Variants in IFI16 observed in about 807,000 individuals in gnomAD.
The protein encoded by IFI16 is interferon gamma inducible protein 16.
Under a neutral mutation model 68.4 loss-of-function variants are expected in IFI16, and 49 were observed. The observed-to-expected ratio is 0.72, with a 90% confidence interval of 0.57 to 0.91. The LOEUF (loss-of-function observed/expected upper bound fraction) is 0.91, where lower values mean the gene tolerates loss of function less well. IFI16 is among the 40% of genes least tolerant of loss of function. The pLI is 0.00. For missense variants in IFI16, 878 were observed against 942.9 expected (o/e 0.93, Z 0.90); for synonymous variants, 307 against 315.0 (o/e 0.97, Z 0.27).
At chr1:159,054,042 T>C (rs1309983565) in intron 11 of IFI16, among the ~76,000 whole-genome samples, 3 of 152,222 alleles carry the variant, frequency 2.0e-5, no homozygotes, top group African/African-American at 7.2e-5. Flanking sequence ...ACTAGCTGGT[T>C]CTGTGACTTT....
intron 6 of IFI16, among the ~76,000 whole-genome samples, chr1:159,021,764 G>GT (rs1164558831): frequency 1.3e-5 from 2 of 152,042 alleles, no homozygotes; most frequent in Non-Finnish European, 2.9e-5. Context: ...GCCAGCGTCT[G>GT]TTTTTTAAAA....
chr1:159,053,809 GA>G (rs1163558422), intron 11 of IFI16, 85 bp downstream of exon 11: 3 of 1,027,624 alleles, frequency 2.9e-6, no homozygotes, highest in Non-Finnish European at 4.4e-6. Flanking sequence ...TACTATTACA[GA>G]GAGTCTAGCA....
At chr1:159,050,684 C>T (rs1046271766) in intron 9 of IFI16, among the ~76,000 whole-genome samples, 1 of 152,120 alleles carries the variant, frequency 6.6e-6, no homozygotes, top group Non-Finnish European at 1.5e-5. Flanking sequence ...TCAGCAGCCC[C>T]TCCAAGTCAA....
chr1:159,052,263 G>T, intron 10 of IFI16, 165 bp downstream of exon 10: 1 of 599,862 alleles, frequency 1.7e-6, no homozygotes, highest in Non-Finnish European at 3.0e-6. Flanking sequence ...TCAGGATATG[G>T]GGTACGTTAT....
Position 159,045,405 on chromosome 1 carries a change from A to G in IFI16, c.1438A>G (p.Ser480Gly). ...PFMTSIGPAE[S>G]HPHTPQMPPS... Reference sequence around the variant, plus strand: ...CATGACCAGCATAGGCCCAGCTGAGAGCCATCCCCACACTCCTCAGATGCC... The same window carrying G: ...CATGACCAGCATAGGCCCAGCTGAGGGCCATCCCCACACTCCTCAGATGCC... Residue 480 changes from serine to glycine, a missense_variant, in exon 8 of 12, where the codon AGC (serine) becomes GGC (glycine). By Grantham distance (56) the Ser-to-Gly change is moderately conservative. Around this residue, in one of 4 missense-constraint regions of IFI16, gnomAD observed 59 missense variants for 119.0 expected, o/e 0.50. Coordinates refer to ENST00000295809, the MANE Select transcript of IFI16 (RefSeq NM_001376587.1). 6.3e-7 allele frequency: 1 copy of G among 1,588,750 alleles called. No homozygotes were observed. The highest frequency in any genetic ancestry group is 8.6e-7 in the Non-Finnish European group (1 of 1,165,432).
At chr1:159,004,280 C>T (rs1450562565), upstream of IFI16, among the ~76,000 whole-genome samples, 1 of 151,664 alleles carries the variant, frequency 6.6e-6, no homozygotes, top group African/African-American at 2.4e-5. Flanking sequence ...TTGAGATCAG[C>T]CTGGGCAACA....
intron 7 of IFI16, among the ~76,000 whole-genome samples, chr1:159,044,701 T>C (rs1033573235): frequency 6.6e-5 from 10 of 152,176 alleles, no homozygotes; most frequent in Non-Finnish European, 1.3e-4. Flanking sequence ...ATGGGAATGC[T>C]TTAGGTGGAA....
chr1:159,048,680 G>A (rs1005734642), intron 8 of IFI16, among the ~76,000 whole-genome samples: 1 of 151,400 alleles, frequency 6.6e-6, no homozygotes, highest in Non-Finnish European at 1.5e-5. Flanking sequence ...GTTACTGAAT[G>A]GCAAAACTGC....
At chr1:159,003,451 C>A (rs1652131788), upstream of IFI16, among the ~76,000 whole-genome samples, 1 of 152,076 alleles carries the variant, frequency 6.6e-6, no homozygotes, top group African/African-American at 2.4e-5. Context: ...ATTCCAAATT[C>A]CTAAAGGAGC....
At position 159,032,683 on chromosome 1, in the gene IFI16, T is replaced by C. The variant is rs1654075867; in HGVS notation, c.1321T>C (p.Phe441Leu). ...MPPTTPSSSF[F>L]TKKSEDTISK... ...ACCAACAACTCCATCCAGCAGTTTCTTCACCAAGGTACAATTTCCTGGGTC... is the reference window on the plus strand; with the variant it reads ...ACCAACAACTCCATCCAGCAGTTTCCTCACCAAGGTACAATTTCCTGGGTC... Residue 441 changes from phenylalanine (F) to leucine (L), a missense_variant, in exon 7 of 12, where the codon TTC becomes CTC. This residue lies in a region of IFI16 where 443 missense variants were observed against 421.8 expected (regional missense o/e 1.05). Coordinates refer to ENST00000295809, the MANE Select transcript of IFI16 (RefSeq NM_001376587.1). The C allele has an allele frequency of 1.0e-5, 16 of 1,590,938 alleles. No homozygotes were observed. The highest frequency in any genetic ancestry group is 1.2e-5 in the Non-Finnish European group (14 of 1,171,930).
Position 159,032,506 on chromosome 1 carries a change from GA to G in IFI16, c.1162-14del, listed in dbSNP as rs1437290700. The stretch of plus-strand genomic sequence containing the variant: ...CTCTAATATTGAAAACCATTAAACA[GA>G]AAATGAATACTTTCAGATAAAGAAA... On this transcript the variant is annotated splice_polypyrimidine_tract_variant and intron_variant, in intron 6 of 11. Coordinates refer to ENST00000295809, the MANE Select transcript of IFI16 (RefSeq NM_001376587.1). 1.1e-5 allele frequency: 16 copies of G among 1,522,582 alleles called. No homozygotes were observed. The highest frequency in any genetic ancestry group is 1.4e-5 in the Non-Finnish European group (16 of 1,127,666). 94.3% of individuals were successfully genotyped at this position (1,522,582 alleles called of 1,614,324 possible).
Position 159,054,889 on chromosome 1 carries a change from CT to C in IFI16, c.2351del (p.Phe784SerfsTer41). The C allele has an allele frequency of 6.3e-7, 1 of 1,581,204 alleles. No homozygotes were observed. Among genetic ancestry groups the C allele is most frequent in the Non-Finnish European group, 8.7e-7 (1 of 1,152,588 alleles). On this transcript the variant is annotated frameshift_variant, in exon 12 of 12. Coordinates refer to ENST00000295809, the MANE Select transcript of IFI16 (RefSeq NM_001376587.1). LOFTEE classifies it high-confidence loss of function. The part of the protein sequence containing the change: ...PDSSMETSPD[F>X]FF ...ATTCAAGTATGGAAACTTCACCAGACTTTTTCTTCTAAAATCTGGATGTCAT... is the reference window on the plus strand; with the variant it reads ...ATTCAAGTATGGAAACTTCACCAGACTTTTCTTCTAAAATCTGGATGTCAT...
In IFI16 at chr1:159,015,861, ATCTAT is replaced by A; in HGVS notation, c.266-8_266-4del. On this transcript the variant is annotated splice_region_variant and splice_polypyrimidine_tract_variant and intron_variant, in intron 2 of 11. Transcript: ENST00000295809. The stretch of plus-strand genomic sequence containing the variant: ...CTGCATTGGTTGGGAATAAAATTGA[ATCTAT>A]TCCAGTAAAAGGACCAGCCCTATCA... The A allele has an allele frequency of 6.4e-7, 1 of 1,573,212 alleles. No homozygotes were observed. The highest frequency in any genetic ancestry group is 8.7e-7 in the Non-Finnish European group (1 of 1,143,768).
rs1426738531 is a variant in IFI16, at chr1:159,045,281, A to G, written c.1330-16A>G. The G allele has an allele frequency of 1.4e-5, 16 of 1,169,448 alleles. No homozygotes were observed. Among genetic ancestry groups the G allele is most frequent in the Non-Finnish European group, 2.0e-5 (16 of 817,896 alleles). 72.4% of individuals were successfully genotyped at this position (1,169,448 alleles called of 1,614,324 possible). On this transcript the variant is annotated splice_polypyrimidine_tract_variant and intron_variant, in intron 7 of 11. Coordinates refer to ENST00000295809, the MANE Select transcript of IFI16 (RefSeq NM_001376587.1). ...CATTAACTAGAAAAAAAGAACAAAC[A>G]TCTATTTTCCTTTAGAAAAGTGAAG...
chr1:159,031,634 T>C (rs856052), intron 6 of IFI16, among the ~76,000 whole-genome samples: 1 of 152,036 alleles, frequency 6.6e-6, no homozygotes, highest in Non-Finnish European at 1.5e-5. Context: ...TGTATGTTCA[T>C]GGGTGGATGA....
intron 4 of IFI16, among the ~76,000 whole-genome samples, chr1:159,016,928 A>G (rs1652969845): frequency 1.3e-5 from 2 of 152,166 alleles, no homozygotes; most frequent in Admixed American, 6.5e-5. Flanking sequence ...GAAGGGAGAG[A>G]GAGCTATGCA....
intron 11 of IFI16, 125 bp from the exon 12 acceptor site, chr1:159,054,696 A>G: frequency 1.8e-6 from 1 of 554,352 alleles, no homozygotes; most frequent in South Asian, 2.8e-5. Context: ...GCGAGAAAAG[A>G]ATCATTTAGA....
intron 6 of IFI16, among the ~76,000 whole-genome samples, chr1:159,027,815 C>A (rs915492375): frequency 4.6e-5 from 7 of 152,104 alleles, no homozygotes; most frequent in Non-Finnish European, 8.8e-5. Flanking sequence ...TTCATAGTTG[C>A]ATTGAATGAT....
At chr1:159,054,784 T>C (rs992709634) in intron 11 of IFI16, 37 bp from the exon 12 acceptor site, 1 of 1,114,826 alleles carries the variant, frequency 9.0e-7, no homozygotes, top group Non-Finnish European at 1.4e-6. Context: ...ATCATCAGCA[T>C]CTCAACTGGT....
Sources: allele counts gnomAD v4.1 joint callset (sites outside exome capture counted in the v4.1 genomes callset), GRCh38; gene constraint gnomAD v4.1.1; regional missense constraint gnomAD v4.1.1; transcripts MANE v1.5; gene names NCBI Gene and HGNC (gene_info 2026-07-23, HGNC 2026-07-21).